ATP10D: variants seen among roughly 807,000 people sequenced by gnomAD.
ATP10D encodes ATPase phospholipid transporting 10D (putative).
ATP10D carries 89 observed loss-of-function variants against 144.8 expected under a neutral mutation model. The observed-to-expected ratio is 0.61, with a 90% CI of 0.52 to 0.73. The LOEUF is 0.73. Ranked by LOEUF, ATP10D falls within the 30% of genes least tolerant of loss-of-function variation. The pLI, the probability that ATP10D is intolerant of heterozygous loss-of-function variation, is 0.00. For synonymous variants in ATP10D, 571 were observed against 615.1 expected (o/e 0.93, Z 1.06); for missense variants, 1,603 against 1,714.8 (o/e 0.93, Z 1.15).
At chr4:47,530,958 TTTG>T (rs1209609583) in intron 5 of ATP10D, among the ~76,000 whole-genome samples, 2 of 152,170 alleles carry the variant, frequency 1.3e-5, no homozygotes, top group East Asian at 1.9e-4. Context: ...AGCTTTCTTT[TTTG>T]TTGTTGTTGT....
intron 19 of ATP10D, among the ~76,000 whole-genome samples, chr4:47,577,460 T>C (rs1720294099): frequency 6.6e-6 from 1 of 152,198 alleles, no homozygotes; most frequent in Admixed American, 6.5e-5. Context: ...GGTTCTGTGG[T>C]ATGTGACCTT....
At chr4:47,489,145 A>C (rs1232628581) in intron 1 of ATP10D, among the ~76,000 whole-genome samples, 1 of 152,206 alleles carries the variant, frequency 6.6e-6, no homozygotes, top group Non-Finnish European at 1.5e-5. Flanking sequence ...CAAAAGACAA[A>C]AAATTTTAAT....
chr4:47,508,123 G>T (rs1716121661), intron 1 of ATP10D, among the ~76,000 whole-genome samples: 1 of 152,196 alleles, frequency 6.6e-6, no homozygotes, highest in Admixed American at 6.5e-5. Context: ...GGGGTCTTGG[G>T]CAACAGAGGA....
At chr4:47,532,433 G>T (rs112748328) in intron 5 of ATP10D, among the ~76,000 whole-genome samples, 55 of 152,184 alleles carry the variant, frequency 3.6e-4, no homozygotes, top group African/African-American at 1.3e-3. Context: ...TGCCAAAGTG[G>T]CCTCCCTTCT....
chr4:47,487,455 G>A (rs1438103080), intron 1 of ATP10D, among the ~76,000 whole-genome samples: 1 of 152,156 alleles, frequency 6.6e-6, no homozygotes, highest in Non-Finnish European at 1.5e-5. Flanking sequence ...GTTGGAAGTA[G>A]TTCTTCTAAT....
intron 1 of ATP10D, among the ~76,000 whole-genome samples, chr4:47,492,981 T>C (rs899323107): frequency 4.6e-5 from 7 of 152,188 alleles, no homozygotes; most frequent in African/African-American, 1.7e-4. Flanking sequence ...TCTATTGATA[T>C]AATCTTTTGA....
chr4:47,488,641 T>C (rs1277730391), intron 1 of ATP10D, among the ~76,000 whole-genome samples: 1 of 140,876 alleles, frequency 7.1e-6, no homozygotes, highest in Non-Finnish European at 1.5e-5. Context: ...AAAAGATAAA[T>C]GGTAAGCTCT....
intron 11 of ATP10D, among the ~76,000 whole-genome samples, chr4:47,555,680 T>C (rs1472358225): frequency 6.6e-6 from 1 of 152,178 alleles, no homozygotes; most frequent in Non-Finnish European, 1.5e-5. Flanking sequence ...TTCTGAGACC[T>C]CCAACATCGT....
rs751940328 is a variant in ATP10D at position 47,554,778 on chromosome 4, C to T, written c.1688C>T (p.Thr563Ile). ...CTTTTAGACAAATTTAGTCAGATTA[C>T]ACCTCGGCTCTTTATGCCACTAGAT... ...TRLLDKFSQI[T>I]PRLFMPLDET... Residue 563 changes from threonine (T) to isoleucine (I), a missense_variant, in exon 11 of 23, where the codon ACA becomes ATA. By Grantham distance (89) the Thr-to-Ile change is moderately conservative. Coordinates refer to ENST00000273859, the MANE Select transcript of ATP10D (RefSeq NM_020453.4). 5.0e-6 allele frequency: 8 copies of T among 1,614,072 alleles called. No homozygotes were observed. The highest frequency in any genetic ancestry group is 3.3e-5 in the South Asian group (3 of 91,072).
chr4:47,503,052 C>T (rs1322239745), intron 1 of ATP10D, among the ~76,000 whole-genome samples: 1 of 151,856 alleles, frequency 6.6e-6, no homozygotes, highest in East Asian at 1.9e-4. Context: ...AAAGACAAAA[C>T]TTAGCTGGGC....
chr4:47,548,972 T>C (rs1718581987), intron 10 of ATP10D, among the ~76,000 whole-genome samples: 2 of 152,182 alleles, frequency 1.3e-5, no homozygotes, highest in South Asian at 4.1e-4. Context: ...TTGTGATGTC[T>C]ACAAGTGGAA....
intron 9 of ATP10D, among the ~76,000 whole-genome samples, chr4:47,540,254 C>T (rs12651326): frequency 0.68 from 102,987 of 152,004 alleles, 35,034 homozygotes; most frequent in East Asian, 0.85. Context: ...GCCTAGGAGA[C>T]AATTTGGTGA....
chr4:47,544,651 A>G (rs1015673081), intron 9 of ATP10D, among the ~76,000 whole-genome samples: 1 of 152,242 alleles, frequency 6.6e-6, no homozygotes, highest in African/African-American at 2.4e-5. Context: ...ATTTTGCTGA[A>G]AGCCACTTAG....
intron 1 of ATP10D, chr4:47,491,519 A>G (rs762754338): frequency 1.3e-5 from 7 of 554,442 alleles, no homozygotes; most frequent in African/African-American, 1.9e-5. Flanking sequence ...AATAAATCTT[A>G]TAAATGTCTG....
chr4:47,581,390 G>A (rs1009394691), intron 20 of ATP10D, among the ~76,000 whole-genome samples: 3 of 152,138 alleles, frequency 2.0e-5, no homozygotes, highest in African/African-American at 7.2e-5. Context: ...TGAAAAAGAT[G>A]ATCATTTCTA....
intron 5 of ATP10D, among the ~76,000 whole-genome samples, chr4:47,535,045 A>G: frequency 6.6e-6 from 1 of 152,270 alleles, no homozygotes; most frequent in East Asian, 1.9e-4. Flanking sequence ...CCATTATCCT[A>G]AATGAACTAA....
At chr4:47,489,542 A>G (rs1714965959) in intron 1 of ATP10D, among the ~76,000 whole-genome samples, 1 of 152,162 alleles carries the variant, frequency 6.6e-6, no homozygotes. Context: ...AGTGACTTAT[A>G]TTTTAGTTAT....
At chr4:47,498,989 T>C (rs1245596961) in intron 1 of ATP10D, among the ~76,000 whole-genome samples, 1 of 152,196 alleles carries the variant, frequency 6.6e-6, no homozygotes, top group Admixed American at 6.5e-5. Flanking sequence ...AGTTCAAATA[T>C]ATATTTTGGC....
At chr4:47,590,651 C>A (rs562386446) in intron 22 of ATP10D, among the ~76,000 whole-genome samples, 2 of 152,028 alleles carry the variant, frequency 1.3e-5, no homozygotes, top group South Asian at 2.1e-4. Context: ...TACTTTGTTA[C>A]AATAGCCATA....
Sources: gnomAD v4.1 joint callset for allele counts (sites outside exome capture counted in the v4.1 genomes callset) on GRCh38, gnomAD v4.1.1 for gene constraint, MANE v1.5 for transcripts, NCBI Gene and HGNC (gene_info 2026-07-23, HGNC 2026-07-21) for gene names.